Variants in TMEM108 observed in about 807,000 individuals in gnomAD.
TMEM108 encodes cancer/testis antigen 124.
In TMEM108, 12 loss-of-function variants were observed where a neutral mutation model predicts 35.1. The observed-to-expected ratio is 0.34, with a 90% CI of 0.22 to 0.55. The LOEUF is 0.55. Ranked by LOEUF, TMEM108 falls within the 20% of genes least tolerant of loss-of-function variation. TMEM108 has a pLI of 0.89. For synonymous variants in TMEM108, 287 were observed against 308.6 expected, an observed-to-expected ratio of 0.93 and a Z score of 0.73; for missense variants, 680 against 753.3, an observed-to-expected ratio of 0.90 and a Z score of 1.14.
intron 3 of TMEM108, among the ~76,000 whole-genome samples, chr3:133,231,660 G>A (rs1433707544): frequency 6.6e-6 from 1 of 152,076 alleles, no homozygotes; most frequent in African/African-American, 2.4e-5. Context: ...AGGGGAAGAG[G>A]AATTAGGCTT....
At chr3:133,147,363 G>A (rs981130923) in intron 2 of TMEM108, among the ~76,000 whole-genome samples, 4 of 152,094 alleles carry the variant, frequency 2.6e-5, no homozygotes, top group Admixed American at 6.6e-5. Flanking sequence ...GTTTGCTTAT[G>A]TGTTCCCTTT....
intron 2 of TMEM108, among the ~76,000 whole-genome samples, chr3:133,224,073 A>G (rs1043509691): frequency 6.6e-6 from 1 of 152,254 alleles, no homozygotes; most frequent in African/African-American, 2.4e-5. Context: ...TCCAGAGACT[A>G]CTGAAGGGCT....
intron 3 of TMEM108, among the ~76,000 whole-genome samples, chr3:133,357,915 AC>A (rs1163448645): frequency 1.3e-5 from 2 of 152,266 alleles, no homozygotes; most frequent in African/African-American, 4.8e-5. Context: ...AACCACCTGT[AC>A]CCCAAAAATA....
chr3:133,171,195 A>G (rs1238189747), intron 2 of TMEM108, among the ~76,000 whole-genome samples: 2 of 152,206 alleles, frequency 1.3e-5, no homozygotes, highest in Admixed American at 6.5e-5. Flanking sequence ...CATACTAGGT[A>G]CATGAAAGAA....
intron 2 of TMEM108, among the ~76,000 whole-genome samples, chr3:133,125,432 G>A (rs1320113839): frequency 6.6e-6 from 1 of 152,126 alleles, no homozygotes; most frequent in African/African-American, 2.4e-5. Flanking sequence ...AGCAAATGTT[G>A]AACCTCGAAT....
chr3:133,177,326 T>G (rs1315421741), intron 2 of TMEM108, among the ~76,000 whole-genome samples: 1 of 152,182 alleles, frequency 6.6e-6, no homozygotes, highest in Non-Finnish European at 1.5e-5. Flanking sequence ...GAGGCCAGCA[T>G]CATCCTGATA....
chr3:133,195,393 A>G (rs574152031), intron 2 of TMEM108, among the ~76,000 whole-genome samples: 227 of 152,302 alleles, frequency 1.5e-3, no homozygotes, highest in African/African-American at 5.1e-3. Flanking sequence ...TTCTCTTCCA[A>G]ACATTCTTCT....
intron 3 of TMEM108, among the ~76,000 whole-genome samples, chr3:133,302,689 G>A (rs990180906): frequency 1.9e-4 from 29 of 151,724 alleles, no homozygotes; most frequent in African/African-American, 7.0e-4. Context: ...CAAAGTGCTG[G>A]GATTACAGGC....
intron 3 of TMEM108, among the ~76,000 whole-genome samples, chr3:133,240,027 A>G (rs924801531): frequency 1.1e-4 from 16 of 152,208 alleles, no homozygotes; most frequent in Non-Finnish European, 1.9e-4. Flanking sequence ...TATAAAGCAA[A>G]AGGAAAACAC....
chr3:133,063,599 G>A (rs1432103465), intron 2 of TMEM108, among the ~76,000 whole-genome samples: 2 of 152,210 alleles, frequency 1.3e-5, no homozygotes, highest in Admixed American at 1.3e-4. Context: ...GAGCCATATG[G>A]TGGTAAAAGT....
At chr3:133,081,342 G>A (rs765124465) in intron 2 of TMEM108, among the ~76,000 whole-genome samples, 38 of 152,160 alleles carry the variant, frequency 2.5e-4, no homozygotes, top group African/African-American at 6.0e-4. Flanking sequence ...GTTCTCACAC[G>A]GCAGAAAGGG....
Position 133,320,065 on chromosome 3 carries a change from CAAGA to C in TMEM108, c.41-59686_41-59683del, listed in dbSNP as rs554707751. 5.9e-5 allele frequency among the ~76,000 whole-genome samples: 9 copies of C among 152,182 alleles called. No individual in the cohort carries two copies. In the South Asian group the frequency reaches 1.9e-3, roughly 32 times the overall value. ...GGAAGATCACTTGAGCCCAGGAGTTCAAGACCAGCCTGGGCAACATAGACTCCAT... is the reference window on the plus strand; with the variant it reads ...GGAAGATCACTTGAGCCCAGGAGTTCCCAGCCTGGGCAACATAGACTCCAT... On this transcript the variant is annotated intron_variant, in intron 3 of 5. Coordinates refer to ENST00000321871, the MANE Select transcript of TMEM108 (RefSeq NM_023943.4).
At chr3:133,149,940 G>T (rs766473102) in intron 2 of TMEM108, among the ~76,000 whole-genome samples, 1 of 152,084 alleles carries the variant, frequency 6.6e-6, no homozygotes, top group African/African-American at 2.4e-5. Flanking sequence ...GAATAGTGCT[G>T]CAATAAATAT....
chr3:133,222,427 T>C (rs1253319698), intron 2 of TMEM108, among the ~76,000 whole-genome samples: 1 of 152,136 alleles, frequency 6.6e-6, no homozygotes, highest in Non-Finnish European at 1.5e-5. Context: ...GATATTTATG[T>C]CTTTTCCCAG....
At chr3:133,157,689 C>T (rs551474493) in intron 2 of TMEM108, among the ~76,000 whole-genome samples, 55 of 152,084 alleles carry the variant, frequency 3.6e-4, no homozygotes, top group African/African-American at 1.2e-3. Context: ...TTGGAGGGTG[C>T]CTAAAACAGA....
intron 2 of TMEM108, among the ~76,000 whole-genome samples, chr3:133,051,165 C>T (rs186040476): frequency 1.4e-4 from 22 of 152,064 alleles, no homozygotes; most frequent in Non-Finnish European, 2.5e-4. Flanking sequence ...CACATCCTTG[C>T]AAGCATTTGG....
At chr3:133,383,089 C>A (rs1197307) in intron 4 of TMEM108, among the ~76,000 whole-genome samples, 150,847 of 152,392 alleles carry the variant, frequency 0.99, 74,676 homozygotes, top group Non-Finnish European at 1. Flanking sequence ...AAAATGTAGC[C>A]CTATTAGCCA....
chr3:133,275,555 G>C (rs1255261179), intron 3 of TMEM108, among the ~76,000 whole-genome samples: 2 of 152,110 alleles, frequency 1.3e-5, no homozygotes, highest in African/African-American at 4.8e-5. Flanking sequence ...CTCTTTTCTG[G>C]CTATTAATTT....
Position 133,225,156 on chromosome 3 carries a change from C to T in TMEM108, c.-46-4110C>T, listed in dbSNP as rs576240510. ...CCACTTCCTGGGTTCAAGCAATTCTCCTGCCTCAGCCTCCTGAGTAGCTGG... is the reference window on the plus strand; with the variant it reads ...CCACTTCCTGGGTTCAAGCAATTCTTCTGCCTCAGCCTCCTGAGTAGCTGG... On this transcript the variant is annotated intron_variant, in intron 2 of 5. Coordinates refer to ENST00000321871, the MANE Select transcript of TMEM108 (RefSeq NM_023943.4). Among the ~76,000 whole-genome samples the T allele has an allele frequency of 5.3e-5, 8 of 151,676 alleles. No homozygotes were observed. The South Asian group carries it at 1.7e-3, about 32-fold the overall frequency.
Sources: gnomAD v4.1 joint callset for allele counts (sites outside exome capture counted in the v4.1 genomes callset) on GRCh38, gnomAD v4.1.1 for gene constraint, MANE v1.5 for transcripts, NCBI Gene and HGNC (gene_info 2026-07-23, HGNC 2026-07-21) for gene names.